Variants in OR56A3 observed in about 807,000 individuals in gnomAD.
The protein encoded by OR56A3 is olfactory receptor 56A3.
Under a neutral mutation model 17.5 loss-of-function variants are expected in OR56A3, and 23 were observed. That is an observed-to-expected ratio of 1.32 (90% CI 0.95 to 1.87). The LOEUF is 1.87. OR56A3 is among the 40% of genes most tolerant of loss of function. The pLI is 0.00. For synonymous variants in OR56A3, 175 were observed against 150.6 expected (o/e 1.16, Z -1.19); for missense variants, 366 against 380.1 (o/e 0.96, Z 0.31).
the OR56A3 span, chr11:6,001,298 T>A: frequency 6.6e-6 from 1 of 152,138 alleles, no homozygotes; most frequent in African/African-American, 2.4e-5. Context: ...AAGATGAAGA[T>A]GATGAAGAAA....
rs551395307 is a variant in OR56A3, at chr11:5,944,876, A to C, written c.-243A>C. The stretch of plus-strand genomic sequence containing the variant: ...TGAAGGGCCATGCCTGGCAGACTAC[A>C]TGGGGAATCAGAGGATCAAGAGGAG... On this transcript the variant is annotated 5_prime_UTR_variant, in exon 2 of 3. The change abolishes an upstream ATG in the 5' untranslated region. Coordinates refer to ENST00000641160, the MANE Select transcript of OR56A3 (RefSeq NM_001003443.3). 6.6e-6 allele frequency: 1 copy of C among 152,162 alleles called. No individual in the cohort carries two copies. Among genetic ancestry groups the C allele is most frequent in the African/African-American group, 2.4e-5 (1 of 41,436 alleles). 9.4% of individuals were successfully genotyped at this position (152,162 alleles called of 1,614,324 possible). A position where few individuals can be genotyped will look rare whatever the true frequency, so the allele number is the denominator to read the frequency against.
At chr11:6,009,011 A>G in the OR56A3 span, among the ~76,000 whole-genome samples, 7 of 152,214 alleles carry the variant, frequency 4.6e-5, no homozygotes, top group East Asian at 1.3e-3. Context: ...AATCTAAGTA[A>G]TGCATGTTGT....
the OR56A3 span, among the ~76,000 whole-genome samples, chr11:5,961,650 C>G: frequency 6.6e-6 from 1 of 151,622 alleles, no homozygotes; most frequent in Admixed American, 6.6e-5. Context: ...AACCAGAGAC[C>G]TTTGTTCACA....
At chr11:5,966,795 T>C in the OR56A3 span, among the ~76,000 whole-genome samples, 3 of 151,906 alleles carry the variant, frequency 2.0e-5, no homozygotes, top group Admixed American at 6.6e-5. Context: ...AGGAATAAGA[T>C]GGTGTCAGAA....
At chr11:5,986,874 G>T in the OR56A3 span, 1 of 1,613,792 alleles carries the variant, frequency 6.2e-7, no homozygotes, top group South Asian at 1.1e-5. Context: ...AGCTTGAATT[G>T]CTAAGGAGCA....
rs1354930491 is a variant in OR56A3 at position 5,950,704 on chromosome 11, A to C, written c.*2410A>C. ...TATCATTTCAACACATAACAAATACAAGATAATCATTAATGTGATATTGCA... is the reference window on the plus strand; with the variant it reads ...TATCATTTCAACACATAACAAATACCAGATAATCATTAATGTGATATTGCA... On this transcript the variant is annotated 3_prime_UTR_variant, in exon 3 of 3. Coordinates refer to ENST00000641160, the MANE Select transcript of OR56A3 (RefSeq NM_001003443.3). The C allele has an allele frequency of 6.6e-6, 1 of 152,160 alleles. No individual in the cohort carries two copies. The highest frequency in any genetic ancestry group is 1.5e-5 in the Non-Finnish European group (1 of 67,980). 9.4% of individuals were successfully genotyped at this position (152,160 alleles called of 1,614,324 possible).
chr11:5,998,484 A>C, the OR56A3 span, among the ~76,000 whole-genome samples: 6 of 152,240 alleles, frequency 3.9e-5, no homozygotes, highest in African/African-American at 1.4e-4. Flanking sequence ...AGAGCGGCAG[A>C]CAAAAGTGAT....
chr11:5,967,494 A>G, the OR56A3 span: 11 of 1,226,304 alleles, frequency 9.0e-6, no homozygotes, highest in Admixed American at 8.4e-5. Context: ...ATGCATCATA[A>G]CAATTATTCT....
At chr11:5,995,344 C>G in the OR56A3 span, among the ~76,000 whole-genome samples, 2 of 152,238 alleles carry the variant, frequency 1.3e-5, no homozygotes, top group Admixed American at 6.5e-5. Flanking sequence ...GGCCACATCT[C>G]AAGGGTTCAT....
the OR56A3 span, among the ~76,000 whole-genome samples, chr11:6,010,393 T>C: frequency 6.6e-6 from 1 of 152,210 alleles, no homozygotes; most frequent in Non-Finnish European, 1.5e-5. Context: ...ACAAAAGTAT[T>C]AAGAGGTGTA....
the OR56A3 span, among the ~76,000 whole-genome samples, chr11:6,012,771 C>G: frequency 6.6e-6 from 1 of 152,220 alleles, no homozygotes; most frequent in Admixed American, 6.5e-5. Flanking sequence ...CCAAGGGGCA[C>G]CTTTAGGCCA....
At chr11:5,966,032 G>A in the OR56A3 span, among the ~76,000 whole-genome samples, 4 of 151,922 alleles carry the variant, frequency 2.6e-5, no homozygotes, top group African/African-American at 9.7e-5. Flanking sequence ...AAGGAGGGAA[G>A]ATAGAAATCA....
the OR56A3 span, among the ~76,000 whole-genome samples, chr11:5,974,207 A>G: frequency 1.3e-5 from 2 of 151,926 alleles, no homozygotes; most frequent in African/African-American, 2.4e-5. Flanking sequence ...CCTGGTTTCA[A>G]GCAATTCTCC....
the OR56A3 span, among the ~76,000 whole-genome samples, chr11:5,991,886 C>A: frequency 6.6e-6 from 1 of 152,166 alleles, no homozygotes; most frequent in Non-Finnish European, 1.5e-5. Flanking sequence ...AGACAACCTG[C>A]ACAAAGCCTA....
intron 1 of OR56A3, chr11:5,943,375 G>T (rs1847850307): frequency 6.6e-6 from 1 of 151,792 alleles, no homozygotes; most frequent in Non-Finnish European, 1.5e-5. Flanking sequence ...TCTTCCATTT[G>T]GCTCTACCCT....
the OR56A3 span, among the ~76,000 whole-genome samples, chr11:5,976,444 T>G: frequency 6.6e-6 from 1 of 152,176 alleles, no homozygotes; most frequent in Non-Finnish European, 1.5e-5. Flanking sequence ...TTCACATACC[T>G]TTTGTGTCCT....
At chr11:6,015,694 G>A in the OR56A3 span, among the ~76,000 whole-genome samples, 103,422 of 152,102 alleles carry the variant, frequency 0.68, 35,478 homozygotes, top group East Asian at 0.94. Context: ...GAGCTTTAAG[G>A]CTTAATGACT....
chr11:5,942,716 C>T (rs1847846320), intron 1 of OR56A3, among the ~76,000 whole-genome samples: 1 of 152,200 alleles, frequency 6.6e-6, no homozygotes, highest in Admixed American at 6.5e-5. Context: ...ATCAAAATTG[C>T]TAAAATCTAC....
At chr11:6,003,569 A>G in the OR56A3 span, among the ~76,000 whole-genome samples, 1 of 152,176 alleles carries the variant, frequency 6.6e-6, no homozygotes, top group African/African-American at 2.4e-5. Context: ...CCACTCAGTC[A>G]CACTGGGACA....
Sources: allele counts gnomAD v4.1 joint callset (sites outside exome capture counted in the v4.1 genomes callset), GRCh38; gene constraint gnomAD v4.1.1; transcripts MANE v1.5; gene names NCBI Gene and HGNC (gene_info 2026-07-23, HGNC 2026-07-21).